The following DOT1L variants were observed in gnomAD, a reference collection of about 807,000 sequenced individuals.
The protein encoded by DOT1L is histone-lysine N-methyltransferase, H3 lysine-79 specific.
A neutral mutation model predicts 153.3 loss-of-function variants in DOT1L; 33 were observed. The observed-to-expected ratio is 0.22, with a 90% CI of 0.16 to 0.29. The LOEUF (loss-of-function observed/expected upper bound fraction) is 0.29. DOT1L is among the 10% of genes least tolerant of loss of function. The pLI, the probability that DOT1L is intolerant of heterozygous loss-of-function variation, is 1.00. For synonymous variants in DOT1L, 1,135 were observed against 965.1 expected, an observed-to-expected ratio of 1.18 and a Z score of -3.26; for missense variants, 1,847 against 2,119.9, an observed-to-expected ratio of 0.87 and a Z score of 2.53.
Position 2,195,817 on chromosome 19 carries a change from C to T in DOT1L, c.651+1240C>T, listed in dbSNP as rs182890041. The stretch of plus-strand genomic sequence containing the variant: ...GACGACCCAGTTCCTGGGTGGAATC[C>T]GCAAGTTTGCAGAAGCAACAGAAAC... On this transcript the variant is annotated intron_variant, in intron 7 of 27. Coordinates refer to ENST00000398665, the MANE Select transcript of DOT1L (RefSeq NM_032482.3). Among the ~76,000 whole-genome samples the T allele has an allele frequency of 3.2e-4, 48 of 152,346 alleles. 1 individual carries two copies. Among genetic ancestry groups the T allele is most frequent in the African/African-American group, 9.9e-4 (41 of 41,582 alleles).
At chr19:2,223,677 C>T (rs974021272) in intron 25 of DOT1L, among the ~76,000 whole-genome samples, 191 bp downstream of exon 25, 1 of 152,148 alleles carries the variant, frequency 6.6e-6, no homozygotes, top group Non-Finnish European at 1.5e-5. Flanking sequence ...GCAGGGCCGG[C>T]CTCCCGGGCC....
intron 12 of DOT1L, among the ~76,000 whole-genome samples, chr19:2,209,279 C>T (rs2023621629): frequency 2.0e-5 from 3 of 152,318 alleles, no homozygotes; most frequent in East Asian, 1.9e-4. Context: ...CTCTCTCCCA[C>T]CCTCTCTCTG....
At chr19:2,169,836 T>A (rs1369382847) in intron 1 of DOT1L, among the ~76,000 whole-genome samples, 1 of 152,142 alleles carries the variant, frequency 6.6e-6, no homozygotes, top group Non-Finnish European at 1.5e-5. Context: ...TCTACAATTA[T>A]CTTAAAATAA....
At chr19:2,183,244 C>T (rs1362856776) in intron 2 of DOT1L, among the ~76,000 whole-genome samples, 1 of 152,214 alleles carries the variant, frequency 6.6e-6, no homozygotes, top group African/African-American at 2.4e-5. Flanking sequence ...CATCTCAGCT[C>T]ACTGCAACTT....
Position 2,226,318 on chromosome 19 carries a change from C to T in DOT1L, c.3797C>T (p.Ala1266Val), listed in dbSNP as rs2024327375. 1.3e-6 allele frequency: 2 copies of T among 1,598,526 alleles called. No homozygotes were observed. Among genetic ancestry groups the T allele is most frequent in the African/African-American group, 1.3e-5 (1 of 74,688 alleles). The change falls in exon 27 of 28, where the codon GCC (alanine) becomes GTC (valine). Residue 1266 changes from alanine to valine, a missense_variant. Ala to Val is a moderately conservative substitution (Grantham distance 64). Coordinates refer to ENST00000398665, the MANE Select transcript of DOT1L (RefSeq NM_032482.3). The stretch of plus-strand genomic sequence containing the variant: ...GACAGCCCGCTGCAGGCCAGCTCCG[C>T]CCTCAGCCAGAACTCCCTGTTCACG... ...SADSPLQASS[A>V]LSQNSLFTFR...
intron 27 of DOT1L, chr19:2,229,160 TTGA>T: frequency 1.0e-6 from 1 of 985,422 alleles, no homozygotes; most frequent in Non-Finnish European, 1.2e-6. Context: ...AGGAGTGATT[TTGA>T]TGATGTGAGG....
At chr19:2,166,146 G>C (rs896365587) in intron 1 of DOT1L, among the ~76,000 whole-genome samples, 1 of 151,652 alleles carries the variant, frequency 6.6e-6, no homozygotes, top group Non-Finnish European at 1.5e-5. Context: ...GCCCAGGCTG[G>C]AGTGCAATGG....
At chr19:2,210,561 G>A (rs573206494) in intron 13 of DOT1L, 51 bp downstream of exon 13, 19 of 1,591,164 alleles carry the variant, frequency 1.2e-5, no homozygotes, top group South Asian at 6.7e-5. Flanking sequence ...CCCCCTGCCC[G>A]GGAGACCCCA....
intron 1 of DOT1L, among the ~76,000 whole-genome samples, chr19:2,168,995 G>A (rs78892835): frequency 2.0e-5 from 3 of 152,102 alleles, no homozygotes; most frequent in Non-Finnish European, 4.4e-5. Flanking sequence ...TTGTTTGCTC[G>A]GAAAGAACCT....
intron 27 of DOT1L, chr19:2,227,431 G>T: frequency 1.6e-6 from 1 of 621,384 alleles, no homozygotes; most frequent in South Asian, 1.5e-5. Context: ...AGGTGTGGCC[G>T]CCCGGGCTCT....
intron 9 of DOT1L, among the ~76,000 whole-genome samples, chr19:2,206,285 C>T (rs558789327): frequency 2.6e-5 from 4 of 152,154 alleles, no homozygotes; most frequent in South Asian, 2.1e-4. Context: ...TGCACCGCGC[C>T]GAGAATGTTT....
chr19:2,179,993 G>A (rs2144694573), intron 1 of DOT1L, among the ~76,000 whole-genome samples: 1 of 152,278 alleles, frequency 6.6e-6, no homozygotes, highest in African/African-American at 2.4e-5. Context: ...TGGAGTCGGA[G>A]AGGCTTGGGT....
intron 15 of DOT1L, 110 bp downstream of exon 15, chr19:2,211,322 A>G (rs2023706940): frequency 2.0e-6 from 2 of 986,984 alleles, no homozygotes; most frequent in Non-Finnish European, 2.9e-6. Flanking sequence ...TCCATGCTGG[A>G]CCCCACTGAA....
chr19:2,211,438 G>T lies in DOT1L; in HGVS notation c.1465+226G>T, dbSNP rs572237144. On this transcript the variant is annotated intron_variant, in intron 15 of 27. Transcript: ENST00000398665. The stretch of plus-strand genomic sequence containing the variant: ...CCAGGAGATGCTGGGTGACACTTGG[G>T]ACGTCTGCAGTTGTCATAACTTAGG... Among the ~76,000 whole-genome samples, 5 of 152,334 alleles carry T rather than the reference G, an allele frequency of 3.3e-5. No individual in the cohort carries two copies. In the South Asian group the frequency reaches 1.0e-3, roughly 32 times the overall value.
chr19:2,227,759 C>G, intron 27 of DOT1L: 4 of 1,319,740 alleles, frequency 3.0e-6, no homozygotes, highest in Non-Finnish European at 4.0e-6. Flanking sequence ...ACGCGGTGCC[C>G]TCCGCCTCTG....
intron 25 of DOT1L, 121 bp downstream of exon 25, chr19:2,223,607 A>G (rs1377883889): frequency 5.3e-6 from 6 of 1,139,766 alleles, no homozygotes; most frequent in African/African-American, 3.1e-5. Context: ...GGTGCCCTGG[A>G]TGGGAGGAAG....
At position 2,210,479 on chromosome 19, in the gene DOT1L, G is replaced by A; in HGVS notation, c.1085G>A (p.Gly362Asp). 6.3e-7 allele frequency: 1 copy of A among 1,592,818 alleles called. No homozygotes were observed. Among genetic ancestry groups the A allele is most frequent in the Non-Finnish European group, 8.5e-7 (1 of 1,171,774 alleles). The change falls in exon 13 of 28, where the codon GGC (glycine) becomes GAC (aspartate). Residue 362 changes from glycine (G) to aspartate (D), a missense_variant. Transcript: ENST00000398665. Reference protein sequence around the residue: ...NAATPTKGPEGKVAGPADAPM... With the variant: ...NAATPTKGPEDKVAGPADAPM... Reference sequence around the variant, plus strand: ...GCCACGCCCACTAAGGGCCCAGAGGGCAAGGTGGCCGGCCCCGCCGACGCC... The same window carrying A: ...GCCACGCCCACTAAGGGCCCAGAGGACAAGGTGGCCGGCCCCGCCGACGCC...
chr19:2,185,902 A>T lies in DOT1L; in HGVS notation c.173A>T (p.Tyr58Phe), dbSNP rs2144718821. Residue 58 changes from tyrosine to phenylalanine, a missense_variant, in exon 3 of 28, where the codon TAC (tyrosine) becomes TTC (phenylalanine). Tyr to Phe is a conservative substitution (Grantham distance 22, BLOSUM62 3). This residue lies in a region of DOT1L where 148 missense variants were observed against 422.3 expected (regional missense o/e 0.35). Coordinates refer to ENST00000398665, the MANE Select transcript of DOT1L (RefSeq NM_032482.3). ...GATCTCAAGCTCGCTATGGAGAATT[A>T]CGTTTTAATTGACTATGACACCAAA... Reference protein sequence around the residue: ...IPDLKLAMENYVLIDYDTKSF... With the variant: ...IPDLKLAMENFVLIDYDTKSF... 6.2e-7 allele frequency: 1 copy of T among 1,614,180 alleles called. No individual in the cohort carries two copies. The highest frequency in any genetic ancestry group is 2.2e-5 in the East Asian group (1 of 44,892).
chr19:2,179,965 G>T (rs1214557024), intron 1 of DOT1L, among the ~76,000 whole-genome samples: 2 of 152,162 alleles, frequency 1.3e-5, no homozygotes, highest in Non-Finnish European at 2.9e-5. Flanking sequence ...CTTGGTCTCT[G>T]ATTCTCGGTG....
Sources: allele counts gnomAD v4.1 joint callset (sites outside exome capture counted in the v4.1 genomes callset), GRCh38; gene constraint gnomAD v4.1.1; regional missense constraint gnomAD v4.1.1; transcripts MANE v1.5; gene names NCBI Gene and HGNC (gene_info 2026-07-23, HGNC 2026-07-21).